The following DPP6 variants were observed in gnomAD, a reference collection of about 807,000 sequenced individuals.
DPP6 encodes the protein dipeptidyl peptidase like 6, also known as A-type potassium channel modulatory protein DPP6.
Under a neutral mutation model 122.6 loss-of-function variants are expected in DPP6, and 69 were observed. The observed-to-expected ratio is 0.56, with a 90% CI of 0.46 to 0.69. DPP6 has a LOEUF of 0.69. Among genes scored for constraint, DPP6 ranks in the 30% least tolerant of loss-of-function variants. The pLI, the probability that DPP6 is intolerant of heterozygous loss-of-function variation, is 0.00. For synonymous variants in DPP6, 418 were observed against 433.1 expected (o/e 0.97, Z 0.43); for missense variants, 928 against 1,116.9 (o/e 0.83, Z 2.41).
intron 1 of DPP6, among the ~76,000 whole-genome samples, chr7:154,063,184 A>AC (rs1276337803): frequency 1.8e-5 from 2 of 110,752 alleles, no homozygotes; most frequent in African/African-American, 6.9e-5. Context: ...GGCTGTTAGT[A>AC]CCCCCATCGC....
At chr7:154,030,235 T>C (rs1799159947) in intron 1 of DPP6, among the ~76,000 whole-genome samples, 1 of 152,178 alleles carries the variant, frequency 6.6e-6, no homozygotes, top group Non-Finnish European at 1.5e-5. Flanking sequence ...CCCTGGCTAT[T>C]TCTCTGCCCC....
At position 154,877,788 on chromosome 7, in the gene DPP6, G is replaced by GC. The variant is rs34066051; in HGVS notation, c.2078+1695dup. 6.6e-6 allele frequency among the ~76,000 whole-genome samples: 1 copy of GC among 152,140 alleles called. No individual in the cohort carries two copies. On this transcript the variant is annotated intron_variant, in intron 20 of 25. Coordinates refer to ENST00000377770, the MANE Select transcript of DPP6 (RefSeq NM_130797.4). This position sits in a 1 kb window ranked among gnomAD's most constrained non-coding sequence, Gnocchi z 5.2. ...GCCACCAGTGAGACAGGTGCAGGCA[G>GC]CCCCCCCAGAGACCAAGTGGGTCCG...
At chr7:154,063,115 A>AC (rs1554449959) in intron 1 of DPP6, among the ~76,000 whole-genome samples, 1 of 104,144 alleles carries the variant, frequency 9.6e-6, no homozygotes, top group African/African-American at 3.7e-5. Context: ...CCCCCATCGC[A>AC]GGGGGGGAGG....
intron 16 of DPP6, among the ~76,000 whole-genome samples, chr7:154,827,763 A>G (rs1438879338): frequency 3.7e-5 from 2 of 54,062 alleles, no homozygotes; most frequent in Non-Finnish European, 7.0e-5. Context: ...TGGAGTGAGG[A>G]GGGGGTGTCT....
At chr7:153,837,635 T>C in the DPP6 span, among the ~76,000 whole-genome samples, 1 of 152,050 alleles carries the variant, frequency 6.6e-6, no homozygotes, top group Non-Finnish European at 1.5e-5. Flanking sequence ...GTATAGAGGG[T>C]CACTGGTAAC....
rs1805024528 is a variant in DPP6 at position 154,877,832 on chromosome 7, C to A, written c.2078+1732C>A. 6.6e-6 allele frequency among the ~76,000 whole-genome samples: 1 copy of A among 152,152 alleles called. No homozygotes were observed. The highest frequency in any genetic ancestry group is 1.5e-5 in the Non-Finnish European group (1 of 68,024). On this transcript the variant is annotated intron_variant, in intron 20 of 25. Coordinates refer to ENST00000377770, the MANE Select transcript of DPP6 (RefSeq NM_130797.4). This position sits in a 1 kb window ranked among gnomAD's most constrained non-coding sequence, Gnocchi z 5.2. ...GGGTCCGTCTGACACCAGTGTGGGG[C>A]CAGCCCCTGAGCAGAGGATGTGGGG... is the stretch of plus-strand genomic sequence containing the variant.
intron 1 of DPP6, among the ~76,000 whole-genome samples, chr7:154,001,078 C>T (rs868556473): frequency 1.3e-5 from 2 of 151,972 alleles, no homozygotes; most frequent in African/African-American, 4.8e-5. Flanking sequence ...CATCCCTGTC[C>T]TCCTCACCTC....
chr7:154,211,307 G>A (rs1277699929), intron 1 of DPP6, among the ~76,000 whole-genome samples: 6 of 152,214 alleles, frequency 3.9e-5, no homozygotes, highest in Non-Finnish European at 8.8e-5. Flanking sequence ...GGAACGAGCA[G>A]GCAGACAGCC....
chr7:154,023,830 C>T (rs990866043), intron 1 of DPP6, among the ~76,000 whole-genome samples: 2 of 151,948 alleles, frequency 1.3e-5, no homozygotes, highest in African/African-American at 2.4e-5. Flanking sequence ...GACCTACACG[C>T]CTCCAAAAAT....
chr7:154,190,474 T>C (rs1295026759), intron 1 of DPP6, among the ~76,000 whole-genome samples: 1 of 152,162 alleles, frequency 6.6e-6, no homozygotes, highest in Non-Finnish European at 1.5e-5. Flanking sequence ...AAATCATATC[T>C]CAATCTTGGA....
intron 1 of DPP6, among the ~76,000 whole-genome samples, chr7:154,243,795 C>CAA (rs886398654): frequency 4.2e-5 from 6 of 141,768 alleles, no homozygotes; most frequent in Non-Finnish European, 9.2e-5. Flanking sequence ...GACTCCATCT[C>CAA]AAAAAAAAAA....
chr7:154,759,086 A>C (rs1385370357), intron 8 of DPP6, among the ~76,000 whole-genome samples: 1 of 152,192 alleles, frequency 6.6e-6, no homozygotes, highest in East Asian at 1.9e-4. Context: ...TGTGAATGGA[A>C]GCAAAGGCCC....
intron 6 of DPP6, among the ~76,000 whole-genome samples, chr7:154,640,497 C>T (rs949867821): frequency 2.0e-5 from 3 of 152,190 alleles, no homozygotes; most frequent in Non-Finnish European, 4.4e-5. Flanking sequence ...TCAACCTGCT[C>T]AATTCTTCCT....
intron 7 of DPP6, among the ~76,000 whole-genome samples, chr7:154,714,240 T>G (rs1419517551): frequency 6.6e-6 from 1 of 152,222 alleles, no homozygotes; most frequent in Non-Finnish European, 1.5e-5. Flanking sequence ...AGTTCTAAAC[T>G]TTCCCACATT....
At chr7:154,854,778 G>C (rs539505232) in intron 17 of DPP6, among the ~76,000 whole-genome samples, 2 of 152,294 alleles carry the variant, frequency 1.3e-5, no homozygotes, top group African/African-American at 4.8e-5. Flanking sequence ...CGAGGGATGT[G>C]TGCTGTGTGC....
At chr7:153,853,378 G>T in the DPP6 span, among the ~76,000 whole-genome samples, 1 of 152,144 alleles carries the variant, frequency 6.6e-6, no homozygotes, top group East Asian at 1.9e-4. Context: ...ATTTATTTAT[G>T]TCTGTTATGT....
chr7:154,575,522 ATGT>A (rs1586663477), intron 5 of DPP6, among the ~76,000 whole-genome samples: 14 of 74,630 alleles, frequency 1.9e-4, no homozygotes, highest in Admixed American at 3.3e-4. Context: ...TGGTGTGTGT[ATGT>A]GCGTAGTGTA....
intron 5 of DPP6, among the ~76,000 whole-genome samples, chr7:154,637,208 G>A (rs1835782187): frequency 6.6e-6 from 1 of 152,144 alleles, no homozygotes; most frequent in Non-Finnish European, 1.5e-5. Context: ...GAGTTTGGAA[G>A]CACTGTTTTT....
At chr7:153,842,078 A>G in the DPP6 span, among the ~76,000 whole-genome samples, 1 of 152,242 alleles carries the variant, frequency 6.6e-6, no homozygotes, top group African/African-American at 2.4e-5. Flanking sequence ...AGATAAAAGC[A>G]GGAACTTATT....
Sources: allele counts gnomAD v4.1 joint callset (sites outside exome capture counted in the v4.1 genomes callset), GRCh38; gene constraint gnomAD v4.1.1; non-coding constraint Gnocchi (gnomAD v3.1); transcripts MANE v1.5; gene names NCBI Gene and HGNC (gene_info 2026-07-23, HGNC 2026-07-21).